The following RAD51B variants were observed in gnomAD, a reference collection of about 807,000 sequenced individuals.
The protein encoded by RAD51B is DNA repair protein RAD51 homolog 2.
Under a neutral mutation model 42.2 loss-of-function variants are expected in RAD51B, and 38 were observed. That is an observed-to-expected ratio of 0.90 (90% CI 0.70 to 1.18). RAD51B has a LOEUF of 1.18. RAD51B is among the 50% of genes most tolerant of loss of function. The pLI, the probability that RAD51B is intolerant of heterozygous loss-of-function variation, is 0.00. For missense variants in RAD51B, 373 were observed against 400.7 expected (o/e 0.93, Z 0.59); for synonymous variants, 154 against 145.2 (o/e 1.06, Z -0.43).
intron 7 of RAD51B, among the ~76,000 whole-genome samples, chr14:68,261,042 A>G (rs528166733): frequency 1.3e-5 from 2 of 152,336 alleles, no homozygotes; most frequent in African/African-American, 4.8e-5. Context: ...GCATGATTTC[A>G]TAGAATCAAT....
intron 7 of RAD51B, among the ~76,000 whole-genome samples, chr14:68,245,418 A>G (rs1471192050): frequency 2.0e-5 from 3 of 152,220 alleles, no homozygotes; most frequent in African/African-American, 4.8e-5. Context: ...TTAGATTTGT[A>G]TGATATTGGT....
At chr14:68,674,726 T>C (rs1680443709) in intron 11 of RAD51B, among the ~76,000 whole-genome samples, 1 of 152,150 alleles carries the variant, frequency 6.6e-6, no homozygotes, top group African/African-American at 2.4e-5. Flanking sequence ...GGAAGTCCCA[T>C]TACACAGGGG....
chr14:68,212,770 G>A (rs1472429227), intron 7 of RAD51B, among the ~76,000 whole-genome samples: 1 of 152,182 alleles, frequency 6.6e-6, no homozygotes, highest in Non-Finnish European at 1.5e-5. Flanking sequence ...TTACGTGTGA[G>A]AAAAATGTGA....
intron 7 of RAD51B, among the ~76,000 whole-genome samples, chr14:67,960,956 C>T (rs182193978): frequency 2.6e-5 from 4 of 152,154 alleles, no homozygotes; most frequent in Admixed American, 1.3e-4. Flanking sequence ...AGGCATGAGC[C>T]ACTGTGCCTG....
At chr14:68,394,682 C>G (rs1449403789) in intron 8 of RAD51B, among the ~76,000 whole-genome samples, 2 of 152,228 alleles carry the variant, frequency 1.3e-5, no homozygotes, top group Non-Finnish European at 2.9e-5. Flanking sequence ...CCCAAGGTAT[C>G]TACTTTATCC....
intron 7 of RAD51B, among the ~76,000 whole-genome samples, chr14:68,099,602 C>T (rs1338975096): frequency 6.6e-6 from 1 of 151,996 alleles, no homozygotes; most frequent in Non-Finnish European, 1.5e-5. Flanking sequence ...GCCCCTGTGC[C>T]CTTGAAGAAT....
At chr14:68,044,702 T>C (rs1366872492) in intron 7 of RAD51B, among the ~76,000 whole-genome samples, 3 of 152,184 alleles carry the variant, frequency 2.0e-5, no homozygotes, top group African/African-American at 4.8e-5. Context: ...CTTTTTCTTT[T>C]ATTTCTCATT....
rs151328706 is a variant in RAD51B, at chr14:68,115,715, C to A, written c.757-176169C>A. 3.9e-5 allele frequency among the ~76,000 whole-genome samples: 6 copies of A among 152,024 alleles called. No individual in the cohort carries two copies. The South Asian group carries it at 1.2e-3, about 32-fold the overall frequency. ...AGGTCATATTCTTTAACTCAAAGTGCGGGAATCTTGTGTCAGGGAACTACA... is the reference window on the plus strand; with the variant it reads ...AGGTCATATTCTTTAACTCAAAGTGAGGGAATCTTGTGTCAGGGAACTACA... On this transcript the variant is annotated intron_variant, in intron 7 of 10. Transcript: ENST00000471583.
chr14:68,075,895 G>C (rs1480171629), intron 7 of RAD51B, among the ~76,000 whole-genome samples: 1 of 152,216 alleles, frequency 6.6e-6, no homozygotes, highest in Non-Finnish European at 1.5e-5. Context: ...GGGCAGTCCT[G>C]CTGCAGCTGC....
intron 7 of RAD51B, among the ~76,000 whole-genome samples, chr14:68,053,500 A>G (rs1478504498): frequency 6.6e-6 from 1 of 152,198 alleles, no homozygotes; most frequent in Admixed American, 6.5e-5. Context: ...TGGCTTCTAG[A>G]AAATGCTCTA....
chr14:67,826,629 G>A (rs974842318), intron 3 of RAD51B, among the ~76,000 whole-genome samples: 2 of 151,864 alleles, frequency 1.3e-5, no homozygotes, highest in Non-Finnish European at 2.9e-5. Context: ...GAATGTTAGT[G>A]TCACTGGAAA....
chr14:68,535,742 G>C (rs766306613), intron 10 of RAD51B, among the ~76,000 whole-genome samples: 4 of 152,204 alleles, frequency 2.6e-5, no homozygotes, highest in Non-Finnish European at 5.9e-5. Flanking sequence ...ATGAGTATGT[G>C]TAACTGGATG....
intron 10 of RAD51B, among the ~76,000 whole-genome samples, chr14:68,543,694 C>G (rs967319573): frequency 4.5e-4 from 69 of 152,194 alleles, no homozygotes; most frequent in Admixed American, 2.6e-4. Flanking sequence ...TCGATGAGAC[C>G]TAGAGAATCA....
chr14:67,966,133 A>G (rs1425682055), intron 7 of RAD51B, among the ~76,000 whole-genome samples: 2 of 152,178 alleles, frequency 1.3e-5, no homozygotes, highest in Non-Finnish European at 2.9e-5. Context: ...GAATTAAAAG[A>G]AAACTCATTA....
rs566316614 is a variant in RAD51B, at chr14:67,885,918, G to A, written c.502G>A (p.Glu168Lys). 28 of 1,607,616 alleles carry A rather than the reference G, an allele frequency of 1.7e-5. No individual in the cohort carries two copies. In the South Asian group the frequency reaches 2.7e-4, roughly 15 times the overall value. ...TTTTCCCAGATATTTTAACACTGAAGAAAAGTTACTTTTGACAAGTAGTAA... is the reference window on the plus strand; with the variant it reads ...TTTTCCCAGATATTTTAACACTGAAAAAAAGTTACTTTTGACAAGTAGTAA... ...SRFPRYFNTEEKLLLTSSKVH... is the reference protein window; with the variant it reads ...SRFPRYFNTEKKLLLTSSKVH... Residue 168 changes from glutamate to lysine, a missense_variant, in exon 6 of 11, where the codon GAA (glutamate) becomes AAA (lysine). Glu to Lys is a moderately conservative substitution (Grantham distance 56, BLOSUM62 1). Transcript: ENST00000471583.
chr14:68,010,390 C>T (rs936387363), intron 7 of RAD51B, among the ~76,000 whole-genome samples: 1 of 151,768 alleles, frequency 6.6e-6, no homozygotes, highest in African/African-American at 2.4e-5. Context: ...TATAGAAATT[C>T]AGATAAAAAG....
At chr14:67,884,126 TAAA>T (rs949242480) in intron 5 of RAD51B, among the ~76,000 whole-genome samples, 5 of 152,316 alleles carry the variant, frequency 3.3e-5, no homozygotes, top group East Asian at 1.9e-4. Flanking sequence ...TATTATAAAA[TAAA>T]AAACATTTAG....
intron 7 of RAD51B, among the ~76,000 whole-genome samples, chr14:67,998,361 T>C (rs2075422805): frequency 6.6e-6 from 1 of 152,168 alleles, no homozygotes; most frequent in Admixed American, 6.5e-5. Flanking sequence ...ATCAGAATCG[T>C]CTATTTCGGA....
At chr14:67,920,091 A>G (rs2044273841) in intron 7 of RAD51B, among the ~76,000 whole-genome samples, 1 of 152,122 alleles carries the variant, frequency 6.6e-6, no homozygotes, top group Non-Finnish European at 1.5e-5. Context: ...TGGTGCTATC[A>G]TGTTTATAAG....
Sources: gnomAD v4.1 joint callset for allele counts (sites outside exome capture counted in the v4.1 genomes callset) on GRCh38, gnomAD v4.1.1 for gene constraint, MANE v1.5 for transcripts, NCBI Gene and HGNC (gene_info 2026-07-23, HGNC 2026-07-21) for gene names.